Variants in WWC2 observed in about 807,000 individuals in gnomAD.
The protein encoded by WWC2 is WW and C2 domain containing 2.
In WWC2, 101 loss-of-function variants were observed where a neutral mutation model predicts 138.5. The observed-to-expected ratio is 0.73, with a 90% confidence interval of 0.62 to 0.86. WWC2 has a LOEUF of 0.86. WWC2 is among the 40% of genes least tolerant of loss of function. The pLI, the probability that WWC2 is intolerant of heterozygous loss-of-function variation, is 0.00. For synonymous variants in WWC2, 558 were observed against 538.4 expected (o/e 1.04, Z -0.50); for missense variants, 1,420 against 1,419.4 (o/e 1.00, Z -0.01).
At chr4:183,217,653 G>A (rs1444989342) in intron 4 of WWC2, among the ~76,000 whole-genome samples, 6 of 151,866 alleles carry the variant, frequency 4.0e-5, no homozygotes, top group African/African-American at 1.2e-4. Flanking sequence ...AACTATATGG[G>A]AGTAACAGCT....
In WWC2 at chr4:183,265,850, C is replaced by T. The variant is rs1017405186; in HGVS notation, c.2121-15C>T. On this transcript the variant is annotated splice_polypyrimidine_tract_variant and intron_variant, in intron 13 of 22. Transcript: ENST00000403733. The stretch of plus-strand genomic sequence containing the variant: ...TGTGGTGATTCCTGACTTCATTTAG[C>T]CTCTCTTTTGACAGATACAATGCAA... The T allele has an allele frequency of 1.2e-6, 2 of 1,611,500 alleles. No individual in the cohort carries two copies. The highest frequency in any genetic ancestry group is 1.6e-4 in the Middle Eastern group (1 of 6,084).
intron 8 of WWC2, among the ~76,000 whole-genome samples, chr4:183,253,095 G>A (rs1287218406): frequency 6.6e-6 from 1 of 152,144 alleles, no homozygotes; most frequent in Non-Finnish European, 1.5e-5. Flanking sequence ...TGCCCAGGCT[G>A]GTCTCGAACT....
In WWC2 at chr4:183,253,759, T is replaced by C. The variant is rs757527425; in HGVS notation, c.956T>C (p.Met319Thr). 1 of 1,607,624 alleles carries C rather than the reference T, an allele frequency of 6.2e-7. No homozygotes were observed. The highest frequency in any genetic ancestry group is 1.1e-5 in the South Asian group (1 of 90,064). ...SLQYEEAKRS[M>T]ANLKIELSKL... ...CTCTTCTATCTTTTTTTTTTTAGTA[T>C]GGCCAACTTAAAAATTGAACTGTCA... is the stretch of plus-strand genomic sequence containing the variant. The change falls in exon 9 of 23, where the codon ATG (methionine) becomes ACG (threonine). Residue 319 changes from methionine (M) to threonine (T), a missense_variant and splice_region_variant. Transcript: ENST00000403733.
At chr4:183,118,458 A>G (rs1330963351) in intron 1 of WWC2, among the ~76,000 whole-genome samples, 1 of 152,058 alleles carries the variant, frequency 6.6e-6, no homozygotes, top group African/African-American at 2.4e-5. Flanking sequence ...ATGTTTTCCT[A>G]CATTTCTACA....
intron 4 of WWC2, among the ~76,000 whole-genome samples, chr4:183,215,458 A>T (rs1273554080): frequency 6.6e-6 from 1 of 152,056 alleles, no homozygotes. Flanking sequence ...GAAAAAAAAA[A>T]GCAAGACAGA....
intron 9 of WWC2, among the ~76,000 whole-genome samples, chr4:183,258,489 A>T (rs1410100569): frequency 1.3e-5 from 2 of 152,248 alleles, no homozygotes; most frequent in Non-Finnish European, 2.9e-5. Flanking sequence ...CATATATAAC[A>T]TTTCAAAGAG....
chr4:183,129,504 G>T (rs1732857742), intron 1 of WWC2, among the ~76,000 whole-genome samples: 1 of 152,124 alleles, frequency 6.6e-6, no homozygotes, highest in Admixed American at 6.5e-5. Flanking sequence ...TAGGACCAGT[G>T]GACACAACTA....
chr4:183,300,465 G>A (rs1008168062), intron 21 of WWC2, among the ~76,000 whole-genome samples: 1 of 151,382 alleles, frequency 6.6e-6, no homozygotes, highest in African/African-American at 2.4e-5. Flanking sequence ...ACTCTTAAAA[G>A]TTAGATCTAT....
chr4:183,232,153 A>G (rs1260528182), intron 4 of WWC2, among the ~76,000 whole-genome samples: 1 of 152,176 alleles, frequency 6.6e-6, no homozygotes, highest in Non-Finnish European at 1.5e-5. Flanking sequence ...ATGTTTGCTA[A>G]TTTAATTGGT....
intron 9 of WWC2, 62 bp from the exon 10 acceptor site, chr4:183,259,577 T>G (rs1737258170): frequency 2.4e-6 from 3 of 1,241,520 alleles, no homozygotes; most frequent in Non-Finnish European, 3.4e-6. Flanking sequence ...TGAGAATCTT[T>G]CTTTCCTTTT....
chr4:183,157,652 C>T (rs1305114393), intron 1 of WWC2, among the ~76,000 whole-genome samples: 1 of 152,134 alleles, frequency 6.6e-6, no homozygotes, highest in East Asian at 1.9e-4. Flanking sequence ...AGGTGCATGC[C>T]ACCACACCCA....
At chr4:183,190,840 GCA>G (rs1425617648) in intron 1 of WWC2, among the ~76,000 whole-genome samples, 1 of 152,152 alleles carries the variant, frequency 6.6e-6, no homozygotes, top group African/African-American at 2.4e-5. Flanking sequence ...TGTAATCATA[GCA>G]CATGCTCTCA....
chr4:183,201,969 A>T (rs1280656637), intron 2 of WWC2, among the ~76,000 whole-genome samples: 1 of 152,154 alleles, frequency 6.6e-6, no homozygotes, highest in Non-Finnish European at 1.5e-5. Context: ...AAGGGGGCAT[A>T]CTACACCATT....
At chr4:183,234,300 T>C (rs1167094495) in intron 4 of WWC2, among the ~76,000 whole-genome samples, 11 of 152,194 alleles carry the variant, frequency 7.2e-5, no homozygotes, top group Admixed American at 7.2e-4. Flanking sequence ...AATTGTGGGC[T>C]CTTGCTTCCA....
chr4:183,170,214 G>A (rs930371301), intron 1 of WWC2, among the ~76,000 whole-genome samples: 3 of 152,154 alleles, frequency 2.0e-5, no homozygotes, highest in South Asian at 2.1e-4. Flanking sequence ...AGAAAATAGC[G>A]GGTCATGCTT....
chr4:183,236,301 T>G (rs760759670), intron 4 of WWC2, among the ~76,000 whole-genome samples: 2 of 151,666 alleles, frequency 1.3e-5, no homozygotes, highest in South Asian at 2.1e-4. Flanking sequence ...TTTAAAGGAG[T>G]TTAATTGAGC....
chr4:183,263,586 GA>G (rs1737403558), intron 11 of WWC2, among the ~76,000 whole-genome samples: 2 of 152,322 alleles, frequency 1.3e-5, no homozygotes, highest in Middle Eastern at 3.4e-3. Flanking sequence ...TTGCATGTCT[GA>G]AAACAAGTGA....
chr4:183,120,709 T>G (rs1028832935), intron 1 of WWC2, among the ~76,000 whole-genome samples: 25 of 152,212 alleles, frequency 1.6e-4, no homozygotes, highest in Admixed American at 1.0e-3. Flanking sequence ...TATCTTTAGT[T>G]TTGGGGAAGT....
Position 183,280,787 on chromosome 4 carries a change from A to G in WWC2, c.2574A>G (p.Ser858=). Residue 858 remains serine, a synonymous_variant, in exon 17 of 23, where the codon TCA becomes TCG. Coordinates refer to ENST00000403733, the MANE Select transcript of WWC2 (RefSeq NM_024949.6). ...TTTACATTCTTCAGGATGCAGTGTC[A>G]GCCTTACTTGCAAGAACATCAGCTG... ...LVDSIDLDAV[S]ALLARTSAEL... The G allele has an allele frequency of 1.9e-6, 3 of 1,604,180 alleles. No individual in the cohort carries two copies. Among genetic ancestry groups the G allele is most frequent in the Non-Finnish European group, 2.6e-6 (3 of 1,175,252 alleles).
Sources: allele counts gnomAD v4.1 joint callset (sites outside exome capture counted in the v4.1 genomes callset), GRCh38; gene constraint gnomAD v4.1.1; transcripts MANE v1.5; gene names NCBI Gene and HGNC (gene_info 2026-07-23, HGNC 2026-07-21).